Variants in MEIOC observed in about 807,000 individuals in gnomAD.
MEIOC encodes meiosis specific with coiled-coil domain.
In MEIOC, 9 loss-of-function variants were observed where a neutral mutation model predicts 85.3. The observed-to-expected ratio is 0.11, with a 90% CI of 0.06 to 0.18. The LOEUF (loss-of-function observed/expected upper bound fraction) is 0.18, where lower values mean the gene tolerates loss of function less well. Among genes scored for constraint, MEIOC ranks in the 10% least tolerant of loss-of-function variants. The pLI, the probability that MEIOC is intolerant of heterozygous loss-of-function variation, is 1.00. For missense variants in MEIOC, 898 were observed against 1,129.4 expected (o/e 0.80, Z 2.94); for synonymous variants, 365 against 393.7 (o/e 0.93, Z 0.86).
At position 44,657,199 on chromosome 17, in the gene MEIOC, G is replaced by C; in HGVS notation, c.142G>C (p.Asp48His). ...LGADAGSRLT[D>H]VFGSVMLTGS... Reference sequence around the variant, plus strand: ...CGCCGACGCCGGCAGCAGGTTAACCGACGTCTTCGGCAGCGTGATGTTGAC... The same window carrying C: ...CGCCGACGCCGGCAGCAGGTTAACCCACGTCTTCGGCAGCGTGATGTTGAC... Residue 48 changes from aspartate to histidine, a missense_variant, in exon 2 of 8, where the codon GAC becomes CAC. Asp to His is a moderately conservative substitution (Grantham distance 81). Around this residue, in one of 2 missense-constraint regions of MEIOC, gnomAD observed 734 missense variants for 860.1 expected, o/e 0.85. Transcript: ENST00000409122. The C allele has an allele frequency of 6.4e-7, 1 of 1,551,944 alleles. No individual in the cohort carries two copies. The highest frequency in any genetic ancestry group is 1.2e-5 in the South Asian group (1 of 84,054).
intron 2 of MEIOC, 87 bp from the exon 3 acceptor site, chr17:44,662,230 T>C (rs1971851425): frequency 9.8e-7 from 1 of 1,017,202 alleles, no homozygotes; most frequent in Non-Finnish European, 1.4e-6. Flanking sequence ...CTCTTACATC[T>C]GTGTTATTTC....
In MEIOC at chr17:44,673,995, T is replaced by A. The variant is rs545368087; in HGVS notation, c.2658T>A (p.Ser886=). The A allele has an allele frequency of 1.2e-4, 186 of 1,551,494 alleles. No individual in the cohort carries two copies. In the African/African-American group the frequency reaches 2.2e-3, roughly 18 times the overall value. Residue 886 remains serine, a synonymous_variant, in exon 8 of 8, where the codon TCT becomes TCA. Transcript: ENST00000409122. Reference sequence around the variant, plus strand: ...TTACAGATGTTTTTGCCCTTGCTTCTGCAATTAAAGAGATGTGTGTGGCTA... The same window carrying A: ...TTACAGATGTTTTTGCCCTTGCTTCAGCAATTAAAGAGATGTGTGTGGCTA... ...QDDRDVFALA[S]AIKEMCVATR... is the part of the protein sequence containing the mutation.
chr17:44,658,248 A>G (rs1401735619), intron 2 of MEIOC, among the ~76,000 whole-genome samples: 1 of 135,016 alleles, frequency 7.4e-6, no homozygotes, highest in African/African-American at 2.8e-5. Context: ...TCCACCTCCC[A>G]GGTTCACGCC....
intron 6 of MEIOC, 155 bp from the exon 7 acceptor site, chr17:44,673,211 G>GT: frequency 2.1e-6 from 1 of 480,276 alleles, no homozygotes; most frequent in Non-Finnish European, 3.5e-6. Context: ...TTCCATTTTT[G>GT]TTTCCCCCAG....
chr17:44,657,232 G>A lies in MEIOC; in HGVS notation c.175G>A (p.Ala59Thr). The change falls in exon 2 of 8, where the codon GCT (alanine) becomes ACT (threonine). Residue 59 changes from alanine to threonine, a missense_variant. Ala to Thr is a moderately conservative substitution (Grantham distance 58). Around this residue, in one of 2 missense-constraint regions of MEIOC, gnomAD observed 734 missense variants for 860.1 expected, o/e 0.85. Transcript: ENST00000409122. ...CGGCAGCGTGATGTTGACTGGCTCC[G>A]CTTCCTTCTACGATTGCTACACATC... ...VFGSVMLTGS[A>T]SFYDCYTSQS... 6.4e-7 allele frequency: 1 copy of A among 1,551,990 alleles called. No individual in the cohort carries two copies. The highest frequency in any genetic ancestry group is 1.2e-5 in the South Asian group (1 of 84,058).
At chr17:44,659,457 T>G (rs183544738) in intron 2 of MEIOC, among the ~76,000 whole-genome samples, 115 of 152,382 alleles carry the variant, frequency 7.5e-4, no homozygotes, top group South Asian at 3.3e-3. Context: ...CTCAAATATT[T>G]GCATATTTCC....
intron 5 of MEIOC, among the ~76,000 whole-genome samples, chr17:44,668,462 TA>T (rs1488565523): frequency 9.9e-5 from 15 of 152,158 alleles, no homozygotes; most frequent in African/African-American, 3.6e-4. Flanking sequence ...TCCTCCTGAG[TA>T]GCTAGTACTA....
Position 44,662,310 on chromosome 17 carries a change from C to T in MEIOC, c.205-7C>T. 1.3e-6 allele frequency: 2 copies of T among 1,532,214 alleles called. No homozygotes were observed. The highest frequency in any genetic ancestry group is 1.8e-6 in the Non-Finnish European group (2 of 1,141,018). 94.9% of individuals were successfully genotyped at this position (1,532,214 alleles called of 1,614,324 possible). ...TGTGTCTGATAAACATTTCTTAAAACTTTCAGAGTGAAGACAATGTAGACC... is the reference window on the plus strand; with the variant it reads ...TGTGTCTGATAAACATTTCTTAAAATTTTCAGAGTGAAGACAATGTAGACC... On this transcript the variant is annotated splice_region_variant and splice_polypyrimidine_tract_variant and intron_variant, in intron 2 of 7. Coordinates refer to ENST00000409122, the MANE Select transcript of MEIOC (RefSeq NM_001145080.3).
chr17:44,660,326 C>T (rs1394363428), intron 2 of MEIOC, among the ~76,000 whole-genome samples: 1 of 151,958 alleles, frequency 6.6e-6, no homozygotes, highest in East Asian at 1.9e-4. Flanking sequence ...CTGCAACCTC[C>T]GCCTTCTGGG....
Position 44,668,088 on chromosome 17 carries a change from A to G in MEIOC, c.2177A>G (p.Tyr726Cys). 3.7e-6 allele frequency: 6 copies of G among 1,613,620 alleles called. No homozygotes were observed. Among genetic ancestry groups the G allele is most frequent in the African/African-American group, 1.3e-5 (1 of 75,044 alleles). ...SHLYPYFNMM[Y>C]GDNSFSGLMP... ...TTGTACCCTTATTTTAATATGATGT[A>G]TGGTGATAATTCTTTTTCTGGTCTC... Residue 726 changes from tyrosine (Y) to cysteine (C), a missense_variant, in exon 5 of 8, where the codon TAT becomes TGT. Around this residue, in one of 2 missense-constraint regions of MEIOC, gnomAD observed 734 missense variants for 860.1 expected, o/e 0.85. Transcript: ENST00000409122.
chr17:44,661,328 T>A (rs967366191), intron 2 of MEIOC, among the ~76,000 whole-genome samples: 36 of 140,062 alleles, frequency 2.6e-4, no homozygotes, highest in African/African-American at 9.1e-4. Flanking sequence ...CTGTATAAAA[T>A]GTCCTCAAAT....
chr17:44,668,232 A>C lies in MEIOC; in HGVS notation c.2321A>C (p.Lys774Thr). 6.3e-7 allele frequency: 1 copy of C among 1,589,712 alleles called. No homozygotes were observed. The highest frequency in any genetic ancestry group is 1.1e-5 in the South Asian group (1 of 87,414). Residue 774 changes from lysine to threonine, a missense_variant and splice_region_variant, in exon 5 of 8, where the codon AAG becomes ACG. Transcript: ENST00000409122. ...AGAGCATTAGAAAAAGAGAGAAAAAAGGTAACACAAAGTTAACCACTTAGG... is the reference window on the plus strand; with the variant it reads ...AGAGCATTAGAAAAAGAGAGAAAAACGGTAACACAAAGTTAACCACTTAGG... The part of the protein sequence containing the change: ...QWRALEKERK[K>T]TELALAKNYP...
In MEIOC at chr17:44,668,114, A is replaced by C. The variant is rs368705145; in HGVS notation, c.2203A>C (p.Met735Leu). 5.0e-5 allele frequency: 80 copies of C among 1,613,812 alleles called. No individual in the cohort carries two copies. Among genetic ancestry groups the C allele is most frequent in the Non-Finnish European group, 6.4e-5 (76 of 1,179,842 alleles). ...MYGDNSFSGL[M>L]PTFGFQRPIK... ...TGGTGATAATTCTTTTTCTGGTCTC[A>C]TGCCAACTTTTGGATTTCAAAGACC... Residue 735 changes from methionine (M) to leucine (L), a missense_variant, in exon 5 of 8, where the codon ATG becomes CTG. By Grantham distance (15) the Met-to-Leu change is conservative. Coordinates refer to ENST00000409122, the MANE Select transcript of MEIOC (RefSeq NM_001145080.3).
rs1972045685 is a variant in MEIOC, at chr17:44,674,176, G to A, written c.2839G>A (p.Gly947Ser). Residue 947 changes from glycine to serine, a missense_variant, in exon 8 of 8, where the codon GGT (glycine) becomes AGT (serine). Gly to Ser is a moderately conservative substitution (Grantham distance 56). Transcript: ENST00000409122. The stretch of plus-strand genomic sequence containing the variant: ...TAGTAGCAATCCAATGAACCAGAGA[G>A]GTGAAACAAACAAACATTAAGGAAA... ...INSSNPMNQR[G>S]ETNKH is the part of the protein sequence containing the mutation. The A allele has an allele frequency of 6.4e-7, 1 of 1,550,772 alleles. No homozygotes were observed. The highest frequency in any genetic ancestry group is 8.7e-7 in the Non-Finnish European group (1 of 1,146,550).
intron 5 of MEIOC, 28 bp from the exon 6 acceptor site, chr17:44,669,355 C>T: frequency 6.6e-7 from 1 of 1,518,970 alleles, no homozygotes; most frequent in South Asian, 1.2e-5. Flanking sequence ...GAAAATTCTA[C>T]ATCTAAAAAG....
chr17:44,673,641 A>AATTGTT, intron 7 of MEIOC, 95 bp downstream of exon 7: 1 of 1,012,454 alleles, frequency 9.9e-7, no homozygotes, highest in Non-Finnish European at 1.4e-6. Flanking sequence ...AGATTTCTAA[A>AATTGTT]ATTAACACTT....
chr17:44,668,370 C>A, intron 5 of MEIOC, 137 bp downstream of exon 5: 1 of 834,120 alleles, frequency 1.2e-6, no homozygotes, highest in Non-Finnish European at 1.8e-6. Context: ...GAGACAGAGT[C>A]TCGCTCTGTT....
Position 44,674,390 on chromosome 17 carries a change from C to CAA in MEIOC, c.*196_*197dup, listed in dbSNP as rs1972048282. 3.6e-6 allele frequency: 5 copies of CAA among 1,372,224 alleles called. No homozygotes were observed. The African/African-American group carries it at 7.3e-5, about 20-fold the overall frequency. The allele number at this position is 1,372,224 out of a possible 1,614,324, so 85.0% of individuals were successfully genotyped here. ...AATCCGATATAGTTTTAAGTAAACG[C>CAA]AAAGGTACAGTTGACTACTCAGAGT... On this transcript the variant is annotated 3_prime_UTR_variant, in exon 8 of 8. Coordinates refer to ENST00000409122, the MANE Select transcript of MEIOC (RefSeq NM_001145080.3).
At chr17:44,666,085 T>C (rs543422783) in intron 4 of MEIOC, among the ~76,000 whole-genome samples, 40 of 152,318 alleles carry the variant, frequency 2.6e-4, no homozygotes, top group Non-Finnish European at 4.4e-5. Context: ...CTGCTTACTA[T>C]AGATAAATAA....
Sources: gnomAD v4.1 joint callset for allele counts (sites outside exome capture counted in the v4.1 genomes callset) on GRCh38, gnomAD v4.1.1 for gene constraint, gnomAD v4.1.1 regional missense constraint, MANE v1.5 for transcripts, NCBI Gene and HGNC (gene_info 2026-07-23, HGNC 2026-07-21) for gene names.